The following SECISBP2L variants were observed in gnomAD, a reference collection of about 807,000 sequenced individuals.
SECISBP2L encodes the protein selenocysteine insertion sequence-binding protein 2-like.
Under a neutral mutation model 114.7 loss-of-function variants are expected in SECISBP2L, and 43 were observed. The ratio of observed to expected loss-of-function variants is 0.38; its 90% CI spans 0.29 to 0.48. SECISBP2L has a LOEUF of 0.48. SECISBP2L is among the 20% of genes least tolerant of loss of function. The probability of loss-of-function intolerance (pLI) is 0.98; values close to 1 mark genes in which losing one functional copy is unlikely to be tolerated. For missense variants in SECISBP2L, 1,136 were observed against 1,301.1 expected (o/e 0.87, Z 1.95); for synonymous variants, 451 against 439.7 (o/e 1.03, Z -0.32).
chr15:49,028,976 A>G (rs1902825702), intron 4 of SECISBP2L, among the ~76,000 whole-genome samples: 1 of 152,006 alleles, frequency 6.6e-6, no homozygotes, highest in Non-Finnish European at 1.5e-5. Flanking sequence ...CTTCTACCTC[A>G]GCCTCCCAAG....
intron 11 of SECISBP2L, 85 bp downstream of exon 11, chr15:49,016,471 CATAT>C: frequency 8.9e-7 from 1 of 1,119,610 alleles, no homozygotes. Flanking sequence ...TATACACATA[CATAT>C]ATAAAATTTT....
At chr15:49,036,550 T>A (rs1903011982) in intron 2 of SECISBP2L, among the ~76,000 whole-genome samples, 1 of 152,246 alleles carries the variant, frequency 6.6e-6, no homozygotes, top group Non-Finnish European at 1.5e-5. Context: ...ACTTGGCCAT[T>A]TTTTCAAATA....
At chr15:49,034,102 C>A (rs1357796964) in intron 3 of SECISBP2L, among the ~76,000 whole-genome samples, 1 of 151,864 alleles carries the variant, frequency 6.6e-6, no homozygotes, top group African/African-American at 2.4e-5. Context: ...TTTCCATGAA[C>A]AAAAACTAAA....
chr15:49,031,256 C>T (rs1902884247), intron 4 of SECISBP2L, among the ~76,000 whole-genome samples: 1 of 151,940 alleles, frequency 6.6e-6, no homozygotes, highest in Middle Eastern at 3.4e-3. Flanking sequence ...ACCATACTGG[C>T]CAGGGTAGTC....
At chr15:49,006,955 T>C (rs929043175) in intron 14 of SECISBP2L, among the ~76,000 whole-genome samples, 3 of 152,210 alleles carry the variant, frequency 2.0e-5, no homozygotes, top group Admixed American at 1.3e-4. Context: ...GTCTTTGATA[T>C]TGGTGACCTT....
chr15:48,998,415 C>T (rs1407319272), intron 16 of SECISBP2L, among the ~76,000 whole-genome samples: 2 of 152,060 alleles, frequency 1.3e-5, no homozygotes, highest in Non-Finnish European at 2.9e-5. Context: ...AAAACAATAG[C>T]CCCTATGTGG....
chr15:49,019,027 T>A (rs1902591047), intron 8 of SECISBP2L, among the ~76,000 whole-genome samples: 1 of 152,210 alleles, frequency 6.6e-6, no homozygotes, highest in Admixed American at 6.6e-5. Flanking sequence ...TTCTCTAAAA[T>A]TCTCCTGGCT....
At chr15:49,037,434 C>A in intron 2 of SECISBP2L, 157 bp downstream of exon 2, 1 of 602,398 alleles carries the variant, frequency 1.7e-6, no homozygotes, top group South Asian at 2.4e-5. Flanking sequence ...AGAAACTAAT[C>A]CATATCAACA....
intron 1 of SECISBP2L, among the ~76,000 whole-genome samples, chr15:49,039,745 GT>G (rs1288376870): frequency 6.6e-6 from 1 of 151,878 alleles, no homozygotes; most frequent in African/African-American, 2.4e-5. Context: ...TCCCAGGCTG[GT>G]CTTGAACTCC....
intron 14 of SECISBP2L, among the ~76,000 whole-genome samples, chr15:49,004,414 T>C (rs1487617370): frequency 2.0e-5 from 3 of 152,214 alleles, no homozygotes; most frequent in Non-Finnish European, 4.4e-5. Context: ...GAAGGGTTTT[T>C]TGTGTCTCTA....
chr15:49,003,650 G>C (rs1267247125), intron 14 of SECISBP2L, among the ~76,000 whole-genome samples: 3 of 152,100 alleles, frequency 2.0e-5, no homozygotes, highest in South Asian at 2.1e-4. Context: ...TAGCACGAAG[G>C]GCTGTTGAAT....
At chr15:49,026,583 T>C (rs964067425) in intron 7 of SECISBP2L, among the ~76,000 whole-genome samples, 4 of 152,204 alleles carry the variant, frequency 2.6e-5, no homozygotes, top group Non-Finnish European at 4.4e-5. Context: ...AATCTGAAAC[T>C]TTTTTCTTGG....
chr15:48,995,427 C>T (rs934251960), intron 17 of SECISBP2L, among the ~76,000 whole-genome samples: 5 of 152,146 alleles, frequency 3.3e-5, no homozygotes, highest in Non-Finnish European at 7.4e-5. Flanking sequence ...GCATTCCAAA[C>T]ATCTAACTAC....
At chr15:49,040,687 C>T (rs574648659) in intron 1 of SECISBP2L, among the ~76,000 whole-genome samples, 279 of 151,168 alleles carry the variant, frequency 1.8e-3, no homozygotes, top group Middle Eastern at 6.9e-3. Flanking sequence ...AGGCGCCCAC[C>T]ATCACGCCCG....
At chr15:48,997,562 T>C (rs1298965622) in intron 16 of SECISBP2L, among the ~76,000 whole-genome samples, 1 of 152,198 alleles carries the variant, frequency 6.6e-6, no homozygotes, top group Non-Finnish European at 1.5e-5. Context: ...GTAGGTACAC[T>C]GAGCATATTC....
In SECISBP2L at chr15:48,996,452, A is replaced by G. The variant is rs185108730; in HGVS notation, c.2538T>C (p.His846=). 2.0e-4 allele frequency: 329 copies of G among 1,614,146 alleles called. 3 individuals are homozygous for G. Among genetic ancestry groups the G allele is most frequent in the Middle Eastern group, 1.8e-3 (11 of 6,058 alleles). Residue 846 remains histidine, a synonymous_variant, in exon 17 of 18, where the codon CAT becomes CAC. Coordinates refer to ENST00000559471, the MANE Select transcript of SECISBP2L (RefSeq NM_001193489.2). ...CACTTGCTGCAGAGGGATTCCGAGA[A>G]TGTCCCATGTGGTGTGGTACCTTCT... is the stretch of plus-strand genomic sequence containing the variant. ...NVKKVPHHMG[H]SRNPSAASAI...
In SECISBP2L at chr15:48,992,380, T is replaced by C. The variant is rs776505130; in HGVS notation, c.3170A>G (p.Glu1057Gly). The C allele has an allele frequency of 1.9e-6, 3 of 1,614,150 alleles. No individual in the cohort carries two copies. The highest frequency in any genetic ancestry group is 2.5e-6 in the Non-Finnish European group (3 of 1,180,028). ...QSGEEEAEAP[E>G]VLEPGMDSEA... ...ACTGTCCATCCCTGGCTCCAGCACC[T>C]CAGGCGCCTCTGCTTCCTCTTCTCC... Residue 1057 changes from glutamate to glycine, a missense_variant, in exon 18 of 18, where the codon GAG (glutamate) becomes GGG (glycine). By Grantham distance (98) the Glu-to-Gly change is moderately conservative. Around this residue, in one of 2 missense-constraint regions of SECISBP2L, gnomAD observed 684 missense variants for 848.7 expected, o/e 0.81. Coordinates refer to ENST00000559471, the MANE Select transcript of SECISBP2L (RefSeq NM_001193489.2).
Position 49,016,599 on chromosome 15 carries a change from C to A in SECISBP2L, c.1522G>T (p.Ala508Ser). The change falls in exon 11 of 18, where the codon GCA becomes TCA. Residue 508 changes from alanine to serine, a missense_variant. This residue lies in a region of SECISBP2L where 684 missense variants were observed against 848.7 expected (regional missense o/e 0.81). Coordinates refer to ENST00000559471, the MANE Select transcript of SECISBP2L (RefSeq NM_001193489.2). ...GGTCTGGTGTTAGTAATTTGCCGTG[C>A]TTTCATTGCTTGCTGTTGTTTTTCC... is the stretch of plus-strand genomic sequence containing the variant. The part of the protein sequence containing the change: ...ALEKQQQAMK[A>S]RQITNTRPLS... 6.2e-7 allele frequency: 1 copy of A among 1,610,640 alleles called. No individual in the cohort carries two copies. The highest frequency in any genetic ancestry group is 8.5e-7 in the Non-Finnish European group (1 of 1,177,996).
chr15:49,040,073 G>GC (rs1903092327), intron 1 of SECISBP2L, among the ~76,000 whole-genome samples: 1 of 152,036 alleles, frequency 6.6e-6, no homozygotes, highest in Non-Finnish European at 1.5e-5. Context: ...TTCTTGCTCA[G>GC]CTCAAAAGCT....
Sources: gnomAD v4.1 joint callset for allele counts (sites outside exome capture counted in the v4.1 genomes callset) on GRCh38, gnomAD v4.1.1 for gene constraint, gnomAD v4.1.1 regional missense constraint, MANE v1.5 for transcripts, NCBI Gene and HGNC (gene_info 2026-07-23, HGNC 2026-07-21) for gene names.